Variants in TAS2R1 observed in about 807,000 individuals in gnomAD.
The protein encoded by TAS2R1 is taste 2 receptor member 1.
For synonymous variants in TAS2R1, 141 were observed against 134.2 expected, an observed-to-expected ratio of 1.05 and a Z score of -0.35; for missense variants, 370 against 353.4, an observed-to-expected ratio of 1.05 and a Z score of -0.38.
At chr5:9,791,856 T>G in the TAS2R1 span, among the ~76,000 whole-genome samples, 3 of 152,182 alleles carry the variant, frequency 2.0e-5, no homozygotes, top group Non-Finnish European at 4.4e-5. Context: ...CGCATGCAGA[T>G]AGAAGGTCCA....
the TAS2R1 span, among the ~76,000 whole-genome samples, chr5:9,814,999 G>C: frequency 4.6e-5 from 7 of 152,182 alleles, no homozygotes; most frequent in African/African-American, 1.4e-4. Context: ...TTCACATGGC[G>C]TGTCGGAGAA....
At chr5:9,801,241 T>A in the TAS2R1 span, among the ~76,000 whole-genome samples, 1 of 152,210 alleles carries the variant, frequency 6.6e-6, no homozygotes, top group Non-Finnish European at 1.5e-5. Flanking sequence ...AAGGCAGCCA[T>A]CTGCAGGACA....
the TAS2R1 span, among the ~76,000 whole-genome samples, chr5:9,867,902 C>T: frequency 2.0e-5 from 3 of 152,216 alleles, no homozygotes; most frequent in African/African-American, 7.2e-5. Context: ...AACAAAGGAG[C>T]TACAGGCCCC....
chr5:9,898,224 T>C, the TAS2R1 span, among the ~76,000 whole-genome samples: 2 of 152,204 alleles, frequency 1.3e-5, no homozygotes, highest in Non-Finnish European at 2.9e-5. Flanking sequence ...TCTCCTCCTA[T>C]TATCAGTGGG....
At chr5:9,705,188 G>T (rs1219351042) in intron 1 of TAS2R1, among the ~76,000 whole-genome samples, 1 of 152,112 alleles carries the variant, frequency 6.6e-6, no homozygotes, top group Non-Finnish European at 1.5e-5. Flanking sequence ...GCATGCATGT[G>T]TATAAAGAGG....
chr5:9,888,043 G>A, the TAS2R1 span, among the ~76,000 whole-genome samples: 1 of 152,216 alleles, frequency 6.6e-6, no homozygotes, highest in Non-Finnish European at 1.5e-5. Flanking sequence ...GCACCAGGGA[G>A]GCAGGCAGCT....
At chr5:9,816,904 T>C in the TAS2R1 span, among the ~76,000 whole-genome samples, 1 of 152,146 alleles carries the variant, frequency 6.6e-6, no homozygotes, top group Admixed American at 6.6e-5. Context: ...ATGACAACAG[T>C]GGTTAACTTA....
chr5:9,886,934 G>A, the TAS2R1 span, among the ~76,000 whole-genome samples: 14 of 152,228 alleles, frequency 9.2e-5, no homozygotes, highest in South Asian at 2.7e-3. Flanking sequence ...AGGTAATGGC[G>A]ATGGCCCTTA....
the TAS2R1 span, among the ~76,000 whole-genome samples, chr5:9,751,632 C>G: frequency 6.6e-6 from 1 of 152,118 alleles, no homozygotes; most frequent in Non-Finnish European, 1.5e-5. Context: ...TTGTTTTACT[C>G]TCAGTGACTC....
chr5:9,885,639 T>C, the TAS2R1 span, among the ~76,000 whole-genome samples: 1 of 152,194 alleles, frequency 6.6e-6, no homozygotes, highest in Non-Finnish European at 1.5e-5. Context: ...TTATCAATAG[T>C]TCCATACCAG....
the TAS2R1 span, among the ~76,000 whole-genome samples, chr5:9,830,839 T>A: frequency 6.6e-6 from 1 of 152,202 alleles, no homozygotes; most frequent in Non-Finnish European, 1.5e-5. Context: ...ATCATCCAGT[T>A]TGACACTTTT....
the TAS2R1 span, chr5:9,903,717 A>G: frequency 6.6e-6 from 1 of 152,100 alleles, no homozygotes; most frequent in Non-Finnish European, 1.5e-5. Context: ...AGCTGTGGAT[A>G]CCAGCACCTG....
At chr5:9,797,436 C>A in the TAS2R1 span, among the ~76,000 whole-genome samples, 2 of 152,156 alleles carry the variant, frequency 1.3e-5, no homozygotes, top group Non-Finnish European at 2.9e-5. Context: ...ACCACCTTCT[C>A]TGAGACACAG....
the TAS2R1 span, among the ~76,000 whole-genome samples, chr5:9,827,182 G>A: frequency 5.3e-5 from 8 of 152,172 alleles, no homozygotes; most frequent in African/African-American, 1.7e-4. Flanking sequence ...CAGTCTTCCT[G>A]GAGTTAGAAA....
upstream of TAS2R1, among the ~76,000 whole-genome samples, chr5:9,717,048 C>T (rs1408698823): frequency 6.6e-6 from 1 of 152,102 alleles, no homozygotes; most frequent in Non-Finnish European, 1.5e-5. Context: ...CCTGTGGATG[C>T]AGAGAGCAGA....
the TAS2R1 span, among the ~76,000 whole-genome samples, chr5:9,795,975 T>G: frequency 6.6e-6 from 1 of 152,102 alleles, no homozygotes; most frequent in East Asian, 1.9e-4. Context: ...CACCGAAACA[T>G]ACTGACCTCT....
At chr5:9,874,210 T>C in the TAS2R1 span, among the ~76,000 whole-genome samples, 14 of 152,212 alleles carry the variant, frequency 9.2e-5, no homozygotes, top group East Asian at 2.7e-3. Flanking sequence ...CCTGGCTTGG[T>C]GGCAGAAATT....
At chr5:9,782,872 T>G in the TAS2R1 span, among the ~76,000 whole-genome samples, 1 of 152,080 alleles carries the variant, frequency 6.6e-6, no homozygotes, top group Admixed American at 6.5e-5. Context: ...GGACTAACAT[T>G]TTACAAGCTT....
At chr5:9,872,338 G>A in the TAS2R1 span, among the ~76,000 whole-genome samples, 1 of 152,142 alleles carries the variant, frequency 6.6e-6, no homozygotes, top group Non-Finnish European at 1.5e-5. Context: ...ATTCTCCAGA[G>A]CAGTTCACAC....
Sources: allele counts gnomAD v4.1 joint callset (sites outside exome capture counted in the v4.1 genomes callset), GRCh38; gene constraint gnomAD v4.1.1; transcripts MANE v1.5; gene names NCBI Gene and HGNC (gene_info 2026-07-23, HGNC 2026-07-21).